The following MAGI2 variants were observed in gnomAD, a reference collection of about 807,000 sequenced individuals.
MAGI2 encodes membrane-associated guanylate kinase, WW and PDZ domain-containing protein 2.
In MAGI2, 35 loss-of-function variants were observed where a neutral mutation model predicts 133.3. That is an observed-to-expected ratio of 0.26 (90% confidence interval 0.20 to 0.35). MAGI2 has a LOEUF of 0.35. MAGI2 is among the 10% of genes least tolerant of loss of function. The pLI, the probability that MAGI2 is intolerant of heterozygous loss-of-function variation, is 1.00. For synonymous variants in MAGI2, 729 were observed against 710.6 expected, an observed-to-expected ratio of 1.03 and a Z score of -0.41; for missense variants, 1,636 against 1,863.4, an observed-to-expected ratio of 0.88 and a Z score of 2.25.
intron 3 of MAGI2, among the ~76,000 whole-genome samples, chr7:78,602,688 G>A (rs139407583): frequency 1.0e-3 from 155 of 152,154 alleles, no homozygotes; most frequent in African/African-American, 2.5e-3. Context: ...GGCCACATTC[G>A]CAAAGAGCCA....
intron 2 of MAGI2, among the ~76,000 whole-genome samples, chr7:78,682,348 T>C (rs1815767492): frequency 6.6e-6 from 1 of 152,116 alleles, no homozygotes; most frequent in African/African-American, 2.4e-5. Context: ...ACATTAGGTA[T>C]TTCTCCTAAT....
intron 2 of MAGI2, among the ~76,000 whole-genome samples, chr7:78,937,837 G>T (rs1800635055): frequency 6.6e-6 from 1 of 152,010 alleles, no homozygotes; most frequent in Non-Finnish European, 1.5e-5. Context: ...GCTAGTAAAA[G>T]GATTAACCTC....
intron 1 of MAGI2, among the ~76,000 whole-genome samples, chr7:79,170,210 A>G (rs1825390204): frequency 8.4e-6 from 1 of 118,766 alleles, no homozygotes; most frequent in African/African-American, 3.3e-5. Context: ...GTGTAGTGGC[A>G]TGATCATAGC....
intron 1 of MAGI2, among the ~76,000 whole-genome samples, chr7:79,388,855 A>C (rs981256535): frequency 2.6e-5 from 4 of 151,376 alleles, no homozygotes; most frequent in Admixed American, 6.6e-5. Flanking sequence ...AAAAAAAAAA[A>C]AACACAGTCT....
At chr7:78,292,713 A>G (rs993628103) in intron 9 of MAGI2, among the ~76,000 whole-genome samples, 1 of 152,238 alleles carries the variant, frequency 6.6e-6, no homozygotes, top group African/African-American at 2.4e-5. Flanking sequence ...CAAAAACAGC[A>G]CGGTACTGGT....
chr7:78,385,416 C>G (rs1467368310), intron 6 of MAGI2, among the ~76,000 whole-genome samples: 3 of 152,070 alleles, frequency 2.0e-5, no homozygotes, highest in Non-Finnish European at 2.9e-5. Flanking sequence ...AAGGCACTGA[C>G]AGTTGAGAGA....
At chr7:79,285,981 C>T (rs1835969076) in intron 1 of MAGI2, among the ~76,000 whole-genome samples, 1 of 152,108 alleles carries the variant, frequency 6.6e-6, no homozygotes, top group African/African-American at 2.4e-5. Context: ...GACAGTAAAT[C>T]TTCTGACTTC....
At chr7:78,351,135 G>C (rs1791466143) in intron 7 of MAGI2, among the ~76,000 whole-genome samples, 1 of 152,078 alleles carries the variant, frequency 6.6e-6, no homozygotes, top group Non-Finnish European at 1.5e-5. Flanking sequence ...AATATTTACT[G>C]AATAAATACA....
intron 1 of MAGI2, among the ~76,000 whole-genome samples, chr7:79,381,755 T>C (rs1843798397): frequency 6.6e-6 from 1 of 151,738 alleles, no homozygotes; most frequent in African/African-American, 2.4e-5. Context: ...TTTGACCAAG[T>C]ACAGTGCTGT....
chr7:78,071,548 A>G (rs1346261015), intron 21 of MAGI2, among the ~76,000 whole-genome samples: 1 of 151,928 alleles, frequency 6.6e-6, no homozygotes, highest in Non-Finnish European at 1.5e-5. Flanking sequence ...GCTGCCAGAA[A>G]AAAAAGAAAG....
intron 2 of MAGI2, among the ~76,000 whole-genome samples, chr7:78,863,515 C>G (rs559813538): frequency 6.6e-6 from 1 of 152,176 alleles, no homozygotes; most frequent in Non-Finnish European, 1.5e-5. Context: ...CTCATTACTG[C>G]GAGGACAGCA....
intron 1 of MAGI2, among the ~76,000 whole-genome samples, chr7:79,028,451 T>C (rs980771282): frequency 3.3e-5 from 5 of 151,214 alleles, no homozygotes; most frequent in African/African-American, 9.7e-5. Context: ...GTTGTATTTA[T>C]AGTGCAGAGG....
At chr7:78,312,017 G>T (rs10808152) in intron 9 of MAGI2, among the ~76,000 whole-genome samples, 27,385 of 151,818 alleles carry the variant, frequency 0.18, 3,139 homozygotes, top group East Asian at 0.3. Context: ...GTGATCTGCC[G>T]GCCGGCCTCC....
At chr7:78,348,499 A>G (rs1435828471) in intron 7 of MAGI2, 7 of 152,052 alleles carry the variant, frequency 4.6e-5, no homozygotes, top group Non-Finnish European at 8.8e-5. Flanking sequence ...TGTTTTTCCT[A>G]TCTCTCCTGT....
intron 1 of MAGI2, among the ~76,000 whole-genome samples, chr7:79,102,040 T>C (rs113698075): frequency 9.1e-4 from 138 of 152,238 alleles, no homozygotes; most frequent in Non-Finnish European, 1.4e-3. Flanking sequence ...CACAGGTATA[T>C]GACATAAATA....
At chr7:78,546,098 G>A (rs1028103842) in intron 3 of MAGI2, among the ~76,000 whole-genome samples, 2 of 152,172 alleles carry the variant, frequency 1.3e-5, no homozygotes, top group African/African-American at 4.8e-5. Flanking sequence ...AGCTATATGT[G>A]TCAGTTTGGG....
chr7:78,876,833 T>G (rs1795462253), intron 2 of MAGI2, among the ~76,000 whole-genome samples: 1 of 152,238 alleles, frequency 6.6e-6, no homozygotes, highest in Non-Finnish European at 1.5e-5. Flanking sequence ...GAAGATGAAA[T>G]ATTTACAAAT....
intron 1 of MAGI2, among the ~76,000 whole-genome samples, chr7:79,221,513 AACTAAATG>A (rs1373791796): frequency 6.6e-6 from 1 of 152,026 alleles, no homozygotes; most frequent in Non-Finnish European, 1.5e-5. Flanking sequence ...TTGAGGTGGG[AACTAAATG>A]ACTTACTATC....
At chr7:78,655,637 A>G (rs558313963) in intron 2 of MAGI2, among the ~76,000 whole-genome samples, 104 of 152,186 alleles carry the variant, frequency 6.8e-4, no homozygotes, top group African/African-American at 2.4e-3. Flanking sequence ...ATAGCAATTT[A>G]AACAATAATA....
Sources: allele counts gnomAD v4.1 joint callset (sites outside exome capture counted in the v4.1 genomes callset), GRCh38; gene constraint gnomAD v4.1.1; transcripts MANE v1.5; gene names NCBI Gene and HGNC (gene_info 2026-07-23, HGNC 2026-07-21).